WASHC2A: variants seen among roughly 807,000 people sequenced by gnomAD.
WASHC2A encodes the protein WASH complex subunit FAM21A.
WASHC2A carries 82 observed loss-of-function variants against 140.3 expected under a neutral mutation model. The observed-to-expected ratio is 0.58, with a 90% CI of 0.49 to 0.70. The LOEUF (loss-of-function observed/expected upper bound fraction) is 0.70, where lower values mean the gene tolerates loss of function less well. WASHC2A is among the 30% of genes least tolerant of loss of function. WASHC2A has a pLI of 0.00. For missense variants in WASHC2A, 985 were observed against 1,521.8 expected, an observed-to-expected ratio of 0.65 and a Z score of 5.87; for synonymous variants, 340 against 560.8, an observed-to-expected ratio of 0.61 and a Z score of 5.56.
In WASHC2A at chr10:50,074,291, A is replaced by G. The variant is rs189452617; in HGVS notation, c.292-4384A>G. Among the ~76,000 whole-genome samples, 38 of 130,826 alleles carry G rather than the reference A, an allele frequency of 2.9e-4. 2 individuals carry two copies. Among genetic ancestry groups the G allele is most frequent in the African/African-American group, 1.0e-3 (38 of 37,354 alleles). 85.8% of individuals were successfully genotyped at this position (130,826 alleles called of 152,430 possible). ...TCTGCTGGATATGAAGTAGTTGAGGATGCATAGTCCTGCTCACCCTGAAAA... is the reference window on the plus strand; with the variant it reads ...TCTGCTGGATATGAAGTAGTTGAGGGTGCATAGTCCTGCTCACCCTGAAAA... On this transcript the variant is annotated intron_variant, in intron 3 of 30. Coordinates refer to ENST00000282633, the MANE Select transcript of WASHC2A (RefSeq NM_001005751.3).
In WASHC2A at chr10:50,067,961, G is replaced by T; in HGVS notation, c.-45G>T. On this transcript the variant is annotated 5_prime_UTR_variant, in exon 1 of 31. Transcript: ENST00000282633. ...AGGCTTCCGGGGCTCTGCAGTCCTC[G>T]GCGTGTGCTGGCAGCTTCGGAGCCC... The T allele has an allele frequency of 2.5e-6, 4 of 1,595,124 alleles. No homozygotes were observed. The highest frequency in any genetic ancestry group is 3.4e-6 in the Non-Finnish European group (4 of 1,172,750).
chr10:50,107,922 C>CA (rs1241730320), intron 19 of WASHC2A, among the ~76,000 whole-genome samples: 4 of 81,442 alleles, frequency 4.9e-5, no homozygotes, highest in African/African-American at 1.3e-4. Flanking sequence ...AACTCCGTCT[C>CA]AAAAAAAAGC....
chr10:50,128,449 C>T (rs1843642548), intron 28 of WASHC2A, among the ~76,000 whole-genome samples: 2 of 152,380 alleles, frequency 1.3e-5, no homozygotes, highest in East Asian at 1.9e-4. Context: ...CCTCAATGGA[C>T]TGTGAACCCT....
chr10:50,113,591 T>C (rs1442623674), intron 20 of WASHC2A, among the ~76,000 whole-genome samples: 3 of 150,890 alleles, frequency 2.0e-5, no homozygotes, highest in African/African-American at 4.9e-5. Flanking sequence ...AATGTTCTGC[T>C]TGGGAAGGCT....
chr10:50,098,174 C>G (rs1840682136), intron 16 of WASHC2A, among the ~76,000 whole-genome samples: 1 of 152,094 alleles, frequency 6.6e-6, no homozygotes, highest in Non-Finnish European at 1.5e-5. Flanking sequence ...ATGCCATTAT[C>G]AACAGCTGTG....
In WASHC2A at chr10:50,109,005, A is replaced by G. The variant is rs1450259593; in HGVS notation, c.1870-1096A>G. Among the ~76,000 whole-genome samples, 14 of 150,720 alleles carry G rather than the reference A, an allele frequency of 9.3e-5. No individual in the cohort carries two copies. The South Asian group carries it at 1.5e-3, about 16-fold the overall frequency. On this transcript the variant is annotated intron_variant, in intron 19 of 30. Transcript: ENST00000282633. ...AGCCTCGTCATTGGAGTTTTGTGAT[A>G]CTCTCTAGTGGATTTCAGCGTTTAG...
intron 19 of WASHC2A, 130 bp from the exon 20 acceptor site, chr10:50,109,971 C>T (rs1296714751): frequency 1.0e-5 from 12 of 1,151,810 alleles, no homozygotes; most frequent in East Asian, 2.5e-5. Flanking sequence ...GGGGTTTCAC[C>T]ATGTTAGCAA....
In WASHC2A at chr10:50,068,011, G is replaced by C; in HGVS notation, c.3+3G>C. 6.2e-7 allele frequency: 1 copy of C among 1,607,618 alleles called. No homozygotes were observed. Among genetic ancestry groups the C allele is most frequent in the African/African-American group, 1.3e-5 (1 of 74,936 alleles). On this transcript the variant is annotated splice_donor_region_variant and intron_variant, in intron 1 of 30. Transcript: ENST00000282633. Reference sequence around the variant, plus strand: ...CACCGAGCCGGGCGGCTAGGATGGTGAGGGCGCCGGGCAGGAGAGAGGCCG... The same window carrying C: ...CACCGAGCCGGGCGGCTAGGATGGTCAGGGCGCCGGGCAGGAGAGAGGCCG...
intron 22 of WASHC2A, 116 bp downstream of exon 22, chr10:50,118,174 A>G (rs1229154463): frequency 3.3e-6 from 3 of 898,086 alleles, no homozygotes; most frequent in African/African-American, 3.4e-5. Flanking sequence ...TTGTAGACAG[A>G]TTTGAAAACA....
At chr10:50,109,582 G>A (rs1842090248) in intron 19 of WASHC2A, among the ~76,000 whole-genome samples, 1 of 152,102 alleles carries the variant, frequency 6.6e-6, no homozygotes, top group African/African-American at 2.4e-5. Context: ...GTTGGAGGAG[G>A]AAATCATGAG....
At chr10:50,082,337 T>G (rs1838975724) in intron 5 of WASHC2A, among the ~76,000 whole-genome samples, 1 of 151,888 alleles carries the variant, frequency 6.6e-6, no homozygotes, top group Non-Finnish European at 1.5e-5. Context: ...GTGTGAAATG[T>G]CAGAATTATT....
At chr10:50,079,810 A>G (rs1319833330) in intron 4 of WASHC2A, among the ~76,000 whole-genome samples, 2 of 151,874 alleles carry the variant, frequency 1.3e-5, no homozygotes, top group Admixed American at 6.6e-5. Context: ...TTAGTGTACT[A>G]TTTTTAAAAA....
intron 20 of WASHC2A, among the ~76,000 whole-genome samples, chr10:50,113,248 A>G (rs1842427671): frequency 1.3e-5 from 2 of 152,092 alleles, no homozygotes; most frequent in Non-Finnish European, 2.9e-5. Context: ...GTGTGCCTGT[A>G]GTTGTAGCTA....
intron 20 of WASHC2A, among the ~76,000 whole-genome samples, chr10:50,113,034 G>C (rs1842411878): frequency 6.6e-6 from 1 of 152,094 alleles, no homozygotes; most frequent in Non-Finnish European, 1.5e-5. Flanking sequence ...CTTTAAAAGA[G>C]TGAATCTGGA....
intron 8 of WASHC2A, among the ~76,000 whole-genome samples, chr10:50,090,532 T>TTATATTTATATATATATATATATA (rs1839829587): frequency 7.4e-6 from 1 of 135,202 alleles, no homozygotes; most frequent in Non-Finnish European, 1.6e-5. Context: ...ATATATATAT[T>TTATATTTATATATATATATATATA]TATATTTATA....
intron 29 of WASHC2A, among the ~76,000 whole-genome samples, 191 bp from the exon 30 acceptor site, chr10:50,130,710 T>C (rs1270272759): frequency 3.9e-5 from 6 of 152,182 alleles, no homozygotes; most frequent in Admixed American, 2.0e-4. Flanking sequence ...AGTGCCGGCA[T>C]TTGAGCCGGG....
chr10:50,110,834 A>C (rs1842223167), intron 20 of WASHC2A, among the ~76,000 whole-genome samples: 1 of 142,334 alleles, frequency 7.0e-6, no homozygotes, highest in Non-Finnish European at 1.5e-5. Context: ...TGGAGGTTGC[A>C]GTGAGCTGAG....
In WASHC2A at chr10:50,068,004, G is replaced by A; in HGVS notation, c.-2G>A. ...CGGAGCCCACCGAGCCGGGCGGCTA[G>A]GATGGTGAGGGCGCCGGGCAGGAGA... On this transcript the variant is annotated 5_prime_UTR_variant, in exon 1 of 31. Coordinates refer to ENST00000282633, the MANE Select transcript of WASHC2A (RefSeq NM_001005751.3). 1 of 1,607,362 alleles carries A rather than the reference G, an allele frequency of 6.2e-7. No homozygotes were observed. Among genetic ancestry groups the A allele is most frequent in the Non-Finnish European group, 8.5e-7 (1 of 1,178,182 alleles).
chr10:50,126,523 T>C (rs1277664178), intron 26 of WASHC2A: 1 of 256,644 alleles, frequency 3.9e-6, no homozygotes, highest in African/African-American at 2.3e-5. Flanking sequence ...GAAATAAATA[T>C]AAATTACATC....
Sources: allele counts gnomAD v4.1 joint callset (sites outside exome capture counted in the v4.1 genomes callset), GRCh38; gene constraint gnomAD v4.1.1; transcripts MANE v1.5; gene names NCBI Gene and HGNC (gene_info 2026-07-23, HGNC 2026-07-21).